NTNG1: variants seen among roughly 807,000 people sequenced by gnomAD.
NTNG1 encodes netrin-G1.
A neutral mutation model predicts 54.0 loss-of-function variants in NTNG1; 16 were observed. The observed-to-expected ratio is 0.30, with a 90% confidence interval of 0.20 to 0.45. The LOEUF (loss-of-function observed/expected upper bound fraction) is 0.45, where lower values mean the gene tolerates loss of function less well. Ranked by LOEUF, NTNG1 falls within the 20% of genes least tolerant of loss-of-function variation. The pLI is 1.00. For synonymous variants in NTNG1, 255 were observed against 263.1 expected, an observed-to-expected ratio of 0.97 and a Z score of 0.30; for missense variants, 530 against 678.7, an observed-to-expected ratio of 0.78 and a Z score of 2.43.
intron 5 of NTNG1, among the ~76,000 whole-genome samples, chr1:107,415,316 C>T (rs1177900172): frequency 6.6e-6 from 1 of 152,110 alleles, no homozygotes; most frequent in Non-Finnish European, 1.5e-5. Flanking sequence ...GGATAATTTC[C>T]TCATCACACA....
intron 3 of NTNG1, among the ~76,000 whole-genome samples, chr1:107,345,436 G>A (rs1669158695): frequency 1.3e-5 from 2 of 152,176 alleles, no homozygotes; most frequent in Non-Finnish European, 2.9e-5. Context: ...TGCTCAGCAG[G>A]TCACTAGACA....
chr1:107,348,783 A>G (rs1244489957), intron 3 of NTNG1, among the ~76,000 whole-genome samples: 1 of 152,184 alleles, frequency 6.6e-6, no homozygotes, highest in Non-Finnish European at 1.5e-5. Context: ...TGCACCTAGT[A>G]AGTGCACAAT....
At chr1:107,274,645 G>A (rs979935546) in intron 2 of NTNG1, among the ~76,000 whole-genome samples, 1 of 152,206 alleles carries the variant, frequency 6.6e-6, no homozygotes, top group Admixed American at 6.5e-5. Context: ...AGGCTTTGGA[G>A]AGACTCGAAC....
chr1:107,233,586 G>C (rs1661207532), intron 2 of NTNG1, among the ~76,000 whole-genome samples: 1 of 152,146 alleles, frequency 6.6e-6, no homozygotes, highest in Non-Finnish European at 1.5e-5. Flanking sequence ...ATTCAGCATG[G>C]TGGTCAAGTT....
intron 2 of NTNG1, among the ~76,000 whole-genome samples, chr1:107,320,440 G>GT (rs1205439900): frequency 3.3e-5 from 5 of 152,034 alleles, no homozygotes; most frequent in Non-Finnish European, 7.4e-5. Context: ...AAATTTCATT[G>GT]TTGATGTTAT....
chr1:107,355,410 T>C (rs1439867600), intron 3 of NTNG1, among the ~76,000 whole-genome samples: 1 of 152,152 alleles, frequency 6.6e-6, no homozygotes, highest in Non-Finnish European at 1.5e-5. Flanking sequence ...TCCCAATTCT[T>C]TAAATAATAA....
At chr1:107,244,334 T>C (rs1396573462) in intron 2 of NTNG1, among the ~76,000 whole-genome samples, 1 of 152,212 alleles carries the variant, frequency 6.6e-6, no homozygotes, top group Non-Finnish European at 1.5e-5. Context: ...CTCATGATTC[T>C]GAAAAAGTAA....
intron 2 of NTNG1, among the ~76,000 whole-genome samples, chr1:107,254,273 A>G (rs1034607185): frequency 6.6e-6 from 1 of 152,230 alleles, no homozygotes; most frequent in Non-Finnish European, 1.5e-5. Context: ...AATACGAACT[A>G]TACAATCTGA....
intron 7 of NTNG1, 37 bp from the exon 8 acceptor site, chr1:107,480,574 G>GCCCCCCCCCCCC: frequency 9.3e-6 from 3 of 324,108 alleles, no homozygotes; most frequent in Non-Finnish European, 1.8e-5. Context: ...TCTCCTCCCC[G>GCCCCCCCCCCCC]CGCCCACCCA....
At chr1:107,241,204 T>C (rs1661800116) in intron 2 of NTNG1, among the ~76,000 whole-genome samples, 1 of 152,214 alleles carries the variant, frequency 6.6e-6, no homozygotes, top group Non-Finnish European at 1.5e-5. Flanking sequence ...TACAGTGATA[T>C]GTTTTGTCTA....
At chr1:107,479,171 G>A (rs1308220801) in intron 7 of NTNG1, among the ~76,000 whole-genome samples, 1 of 152,206 alleles carries the variant, frequency 6.6e-6, no homozygotes, top group Non-Finnish European at 1.5e-5. Context: ...GAAATGTTGA[G>A]GAAGGCAGTA....
chr1:107,336,232 A>C (rs1195586181), intron 3 of NTNG1, among the ~76,000 whole-genome samples: 1 of 151,554 alleles, frequency 6.6e-6, no homozygotes, highest in East Asian at 1.9e-4. Flanking sequence ...CACAGTAGTC[A>C]AAACTGTGTG....
chr1:107,464,089 G>A (rs1677448992), intron 7 of NTNG1, among the ~76,000 whole-genome samples: 1 of 152,072 alleles, frequency 6.6e-6, no homozygotes, highest in African/African-American at 2.4e-5. Context: ...TTTGAGTTGT[G>A]TGTTTCTTCC....
intron 2 of NTNG1, among the ~76,000 whole-genome samples, chr1:107,226,426 G>A (rs1010769863): frequency 2.6e-5 from 4 of 152,028 alleles, no homozygotes; most frequent in Admixed American, 2.6e-4. Flanking sequence ...TGTAAGATAA[G>A]AATTTTGTTA....
chr1:107,215,312 A>G (rs1363763215), intron 2 of NTNG1, among the ~76,000 whole-genome samples: 1 of 152,188 alleles, frequency 6.6e-6, no homozygotes, highest in Non-Finnish European at 1.5e-5. Context: ...ATTTTTATAT[A>G]AGGTGAGAGA....
rs369994357 is a variant in NTNG1, at chr1:107,197,321, A to G, written c.246+48482A>G. 2.0e-5 allele frequency among the ~76,000 whole-genome samples: 3 copies of G among 152,192 alleles called. No individual in the cohort carries two copies. In the East Asian group the frequency reaches 5.8e-4, roughly 30 times the overall value. ...ATGCTGCCCTCTACAACAGCCAATT[A>G]CAGTGTCACCGAGCCTTCTCATTAG... On this transcript the variant is annotated intron_variant, in intron 2 of 7. Transcript: ENST00000370068.
At chr1:107,396,968 A>C (rs893957258) in intron 4 of NTNG1, among the ~76,000 whole-genome samples, 1 of 152,194 alleles carries the variant, frequency 6.6e-6, no homozygotes, top group Admixed American at 6.5e-5. Flanking sequence ...TTATTTCAAG[A>C]CATTTTCACT....
chr1:107,356,008 A>G (rs1369729685), intron 3 of NTNG1, among the ~76,000 whole-genome samples: 1 of 152,144 alleles, frequency 6.6e-6, no homozygotes, highest in Non-Finnish European at 1.5e-5. Context: ...AAAAGTCTTC[A>G]TATTTTGGGC....
At chr1:107,439,428 C>A (rs1257093919) in intron 7 of NTNG1, among the ~76,000 whole-genome samples, 2 of 151,946 alleles carry the variant, frequency 1.3e-5, no homozygotes, top group East Asian at 3.9e-4. Flanking sequence ...TCGGAATCAT[C>A]ATCTGGAGAA....
Sources: gnomAD v4.1 joint callset for allele counts (sites outside exome capture counted in the v4.1 genomes callset) on GRCh38, gnomAD v4.1.1 for gene constraint, MANE v1.5 for transcripts, NCBI Gene and HGNC (gene_info 2026-07-23, HGNC 2026-07-21) for gene names.